Variants in LRP1B observed in about 807,000 individuals in gnomAD.
LRP1B encodes the protein LDL receptor related protein 1B.
Under a neutral mutation model 556.6 loss-of-function variants are expected in LRP1B, and 217 were observed. That is an observed-to-expected ratio of 0.39 (90% confidence interval 0.35 to 0.44). LRP1B has a LOEUF of 0.44. LRP1B is among the 20% of genes least tolerant of loss of function. LRP1B has a pLI of 1.00. For synonymous variants in LRP1B, 2,047 were observed against 1,865.8 expected (o/e 1.10, Z -2.50); for missense variants, 5,053 against 5,620.8 (o/e 0.90, Z 3.23).
chr2:140,663,464 G>A (rs10177333), intron 41 of LRP1B, among the ~76,000 whole-genome samples: 118,632 of 152,148 alleles, frequency 0.78, 47,439 homozygotes, highest in Non-Finnish European at 0.88. Context: ...AGTACTTGCT[G>A]CTTCACCTTA....
intron 16 of LRP1B, among the ~76,000 whole-genome samples, chr2:140,993,494 T>C (rs939055143): frequency 7.9e-5 from 12 of 152,158 alleles, no homozygotes; most frequent in Admixed American, 6.6e-4. Flanking sequence ...TGAGTGCCCA[T>C]ATGTGTTTTC....
At chr2:141,566,322 T>A (rs1215434956) in intron 2 of LRP1B, among the ~76,000 whole-genome samples, 1 of 152,182 alleles carries the variant, frequency 6.6e-6, no homozygotes, top group Non-Finnish European at 1.5e-5. Context: ...AACTTTCACT[T>A]ATAGTAAATG....
chr2:140,822,556 T>G (rs1402121574), intron 31 of LRP1B, among the ~76,000 whole-genome samples: 2 of 152,202 alleles, frequency 1.3e-5, no homozygotes, highest in African/African-American at 4.8e-5. Context: ...TCAAAGCAAT[T>G]AAAGATTCAG....
At chr2:141,463,448 G>T (rs1489112539) in intron 3 of LRP1B, among the ~76,000 whole-genome samples, 1 of 149,020 alleles carries the variant, frequency 6.7e-6, no homozygotes, top group African/African-American at 2.5e-5. Flanking sequence ...TAACCTTTGG[G>T]AGAAAAATTC....
At chr2:140,974,210 C>T (rs571739913) in intron 18 of LRP1B, among the ~76,000 whole-genome samples, 3 of 152,282 alleles carry the variant, frequency 2.0e-5, no homozygotes, top group East Asian at 3.9e-4. Context: ...ACATTGCTTA[C>T]TGCCCAACAG....
chr2:141,723,609 T>C (rs1001977576), intron 2 of LRP1B, among the ~76,000 whole-genome samples: 1 of 151,828 alleles, frequency 6.6e-6, no homozygotes, highest in Non-Finnish European at 1.5e-5. Context: ...GTTGCTATCT[T>C]TTATATTAAG....
chr2:141,911,618 A>G (rs1699909463), intron 1 of LRP1B, among the ~76,000 whole-genome samples: 2 of 152,188 alleles, frequency 1.3e-5, no homozygotes. Context: ...AAGTCCAGGC[A>G]CTATAAAGTC....
At chr2:140,692,977 C>T (rs921686707) in intron 41 of LRP1B, among the ~76,000 whole-genome samples, 7 of 151,988 alleles carry the variant, frequency 4.6e-5, no homozygotes, top group Admixed American at 3.9e-4. Context: ...CATTTTGTTT[C>T]ATTTTTTGCA....
intron 41 of LRP1B, among the ~76,000 whole-genome samples, chr2:140,609,231 T>C (rs561679492): frequency 2.6e-5 from 4 of 152,278 alleles, no homozygotes; most frequent in Admixed American, 2.0e-4. Flanking sequence ...TTGAGAAATA[T>C]AATTAGAAAA....
In LRP1B at chr2:140,630,529, A is replaced by G. The variant is rs190098118; in HGVS notation, c.6800-28890T>C. Among the ~76,000 whole-genome samples, 209 of 152,306 alleles carry G rather than the reference A, an allele frequency of 1.4e-3. 1 individual carries two copies. The highest frequency in any genetic ancestry group is 3.2e-3 in the African/African-American group (133 of 41,564). On this transcript the variant is annotated intron_variant, in intron 41 of 90. Coordinates refer to ENST00000389484, the MANE Select transcript of LRP1B (RefSeq NM_018557.3). ...AATGGGAAGGAGCATTTGAAAAGCA[A>G]CTTGGATGAATTGCTGGAGATGGAC...
In LRP1B at chr2:141,504,221, G is replaced by A. The variant is rs1167711327; in HGVS notation, c.206-23688C>T. On this transcript the variant is annotated intron_variant, in intron 2 of 90. Transcript: ENST00000389484. ...GAATTGGCTTATTTATAGTGCTGTGGCACTTAAAGACTGTAAGTTCTCCAA... is the reference window on the plus strand; with the variant it reads ...GAATTGGCTTATTTATAGTGCTGTGACACTTAAAGACTGTAAGTTCTCCAA... Among the ~76,000 whole-genome samples, 4 of 152,062 alleles carry A rather than the reference G, an allele frequency of 2.6e-5. No individual in the cohort carries two copies. The East Asian group carries it at 7.7e-4, about 29-fold the overall frequency.
intron 3 of LRP1B, among the ~76,000 whole-genome samples, chr2:141,287,601 G>A (rs941568338): frequency 1.3e-5 from 2 of 151,906 alleles, no homozygotes; most frequent in Admixed American, 6.6e-5. Context: ...TTGCCTTATG[G>A]TTTCTTCTTT....
At chr2:140,542,762 T>A (rs1197726453) in intron 43 of LRP1B, among the ~76,000 whole-genome samples, 2 of 152,084 alleles carry the variant, frequency 1.3e-5, no homozygotes, top group African/African-American at 4.8e-5. Flanking sequence ...TGGCTATATC[T>A]CACTGGGCAG....
intron 84 of LRP1B, among the ~76,000 whole-genome samples, chr2:140,287,912 T>TTG (rs1558773266): frequency 2.0e-5 from 3 of 151,648 alleles, no homozygotes; most frequent in African/African-American, 4.8e-5. Flanking sequence ...TTTCACTTTA[T>TTG]TTGGAAAATG....
chr2:140,401,728 C>A (rs1410964865), intron 66 of LRP1B, among the ~76,000 whole-genome samples: 1 of 152,324 alleles, frequency 6.6e-6, no homozygotes, highest in East Asian at 1.9e-4. Context: ...CTTTTGCAAG[C>A]ACCACCTCCT....
chr2:141,132,705 T>C (rs1701389554), intron 7 of LRP1B, among the ~76,000 whole-genome samples: 1 of 151,992 alleles, frequency 6.6e-6, no homozygotes, highest in African/African-American at 2.4e-5. Flanking sequence ...ATAGGGAGAA[T>C]ACTATCCAAC....
intron 66 of LRP1B, among the ~76,000 whole-genome samples, chr2:140,431,420 A>G (rs1010122331): frequency 2.0e-5 from 3 of 151,878 alleles, no homozygotes; most frequent in Non-Finnish European, 4.4e-5. Flanking sequence ...GCCCCAAAAA[A>G]CTTGTCATCC....
chr2:141,013,870 TGATA>T, intron 13 of LRP1B, 125 bp from the exon 14 acceptor site: 1 of 535,556 alleles, frequency 1.9e-6, no homozygotes, highest in Non-Finnish European at 3.0e-6. Flanking sequence ...TCATTTTCTC[TGATA>T]GATTTAAAAA....
intron 66 of LRP1B, among the ~76,000 whole-genome samples, chr2:140,426,210 C>T (rs905495213): frequency 1.3e-5 from 2 of 152,060 alleles, no homozygotes; most frequent in African/African-American, 4.8e-5. Flanking sequence ...ATTTGTAATA[C>T]CTGGCTTTGA....
Sources: gnomAD v4.1 joint callset for allele counts (sites outside exome capture counted in the v4.1 genomes callset) on GRCh38, gnomAD v4.1.1 for gene constraint, MANE v1.5 for transcripts, NCBI Gene and HGNC (gene_info 2026-07-23, HGNC 2026-07-21) for gene names.